REDIC1: variants seen among roughly 807,000 people sequenced by gnomAD.
REDIC1 encodes HEI10 Interacting Protein 1.
chr12:39,844,921 A>C, the REDIC1 span, among the ~76,000 whole-genome samples: 1 of 152,082 alleles, frequency 6.6e-6, no homozygotes, highest in East Asian at 1.9e-4. Flanking sequence ...TTTTAGATCA[A>C]TTGAATTTAA....
chr12:39,750,022 C>G, the REDIC1 span, among the ~76,000 whole-genome samples: 1 of 152,154 alleles, frequency 6.6e-6, no homozygotes, highest in Non-Finnish European at 1.5e-5. Flanking sequence ...CAGGGATGCC[C>G]TCTCTCACCA....
the REDIC1 span, chr12:39,683,226 A>G: frequency 0.85 from 1,107,283 of 1,308,952 alleles, 471,790 homozygotes; most frequent in Non-Finnish European, 0.87. Flanking sequence ...ATACACACAC[A>G]TCTATATATT....
the REDIC1 span, among the ~76,000 whole-genome samples, chr12:39,671,064 G>A: frequency 3.9e-5 from 6 of 152,132 alleles, no homozygotes; most frequent in Admixed American, 3.3e-4. Flanking sequence ...TCTGTTGTTG[G>A]AGAATTAATG....
At chr12:39,649,892 A>G in the REDIC1 span, among the ~76,000 whole-genome samples, 1 of 151,958 alleles carries the variant, frequency 6.6e-6, no homozygotes, top group Admixed American at 6.6e-5. Context: ...ATTGGGACAA[A>G]TTATTGTTTT....
At chr12:39,838,627 AAG>A in the REDIC1 span, among the ~76,000 whole-genome samples, 3 of 152,078 alleles carry the variant, frequency 2.0e-5, no homozygotes, top group African/African-American at 7.2e-5. Flanking sequence ...TAAAGTAAAA[AAG>A]AGCAGGACAA....
the REDIC1 span, among the ~76,000 whole-genome samples, chr12:39,707,680 CTAA>C: frequency 3.4e-4 from 51 of 151,960 alleles, no homozygotes; most frequent in South Asian, 1.0e-3. Context: ...TATACATAAT[CTAA>C]TAATGATAAT....
the REDIC1 span, among the ~76,000 whole-genome samples, chr12:39,673,385 T>G: frequency 6.6e-6 from 1 of 152,200 alleles, no homozygotes; most frequent in African/African-American, 2.4e-5. Context: ...AATTCATTCT[T>G]CAGGAAATTC....
chr12:39,764,326 C>G, the REDIC1 span: 1 of 768,382 alleles, frequency 1.3e-6, no homozygotes, highest in Non-Finnish European at 1.9e-6. Flanking sequence ...CTTTGGAGGA[C>G]AAGAAAGCCA....
chr12:39,679,137 G>T, the REDIC1 span, among the ~76,000 whole-genome samples: 1 of 152,194 alleles, frequency 6.6e-6, no homozygotes, highest in South Asian at 2.1e-4. Context: ...ATTGTACGTA[G>T]TACTGGAAGT....
At chr12:39,674,778 T>C in the REDIC1 span, among the ~76,000 whole-genome samples, 6 of 152,208 alleles carry the variant, frequency 3.9e-5, no homozygotes, top group Non-Finnish European at 7.3e-5. Context: ...ATCCCTGGCC[T>C]TCTCTCACAG....
chr12:39,748,149 A>G, the REDIC1 span, among the ~76,000 whole-genome samples: 1 of 152,134 alleles, frequency 6.6e-6, no homozygotes, highest in Non-Finnish European at 1.5e-5. Context: ...AAGAGTCAAG[A>G]CCCATCAGTG....
the REDIC1 span, among the ~76,000 whole-genome samples, chr12:39,889,970 C>T: frequency 2.0e-5 from 3 of 152,016 alleles, no homozygotes; most frequent in African/African-American, 7.2e-5. Flanking sequence ...AATCTCTGGC[C>T]AATAATATTT....
the REDIC1 span, among the ~76,000 whole-genome samples, chr12:39,874,467 T>G: frequency 2.0e-5 from 3 of 151,746 alleles, no homozygotes; most frequent in East Asian, 5.8e-4. Flanking sequence ...TACAAAAAAT[T>G]AGCTGGGCAT....
the REDIC1 span, chr12:39,650,466 A>C: frequency 1.5e-6 from 2 of 1,358,482 alleles, no homozygotes; most frequent in South Asian, 1.7e-5. This position sits in a 1 kb window ranked among gnomAD's most constrained non-coding sequence, Gnocchi z 4.3. Context: ...AACAGTCCTA[A>C]GTAATACTTC....
the REDIC1 span, among the ~76,000 whole-genome samples, chr12:39,814,993 T>C: frequency 6.6e-6 from 1 of 152,210 alleles, no homozygotes; most frequent in African/African-American, 2.4e-5. Context: ...TTTTTTCATT[T>C]GACTTTCTCA....
At chr12:39,752,047 A>AT in the REDIC1 span, among the ~76,000 whole-genome samples, 1 of 152,202 alleles carries the variant, frequency 6.6e-6, no homozygotes, top group East Asian at 1.9e-4. Context: ...AACTTAAAGT[A>AT]TAAAAAAAAG....
chr12:39,750,168 C>T, the REDIC1 span, among the ~76,000 whole-genome samples: 7 of 152,100 alleles, frequency 4.6e-5, no homozygotes, highest in African/African-American at 1.7e-4. Flanking sequence ...TTTAGAAAAA[C>T]CCATTGTCTC....
At chr12:39,799,253 CCTTTTTTT>C in the REDIC1 span, among the ~76,000 whole-genome samples, 2 of 75,356 alleles carry the variant, frequency 2.7e-5, no homozygotes, top group Non-Finnish European at 4.7e-5. Context: ...CTATGCTTAG[CCTTTTTTT>C]TTTTTTTTTT....
At chr12:39,699,406 G>A in the REDIC1 span, among the ~76,000 whole-genome samples, 16 of 152,188 alleles carry the variant, frequency 1.1e-4, no homozygotes, top group African/African-American at 3.6e-4. Flanking sequence ...CTTAAAAAAT[G>A]GCACACCAGG....
Sources: allele counts gnomAD v4.1 joint callset (sites outside exome capture counted in the v4.1 genomes callset), GRCh38; gene constraint gnomAD v4.1.1; non-coding constraint Gnocchi (gnomAD v3.1); transcripts MANE v1.5; gene names NCBI Gene and HGNC (gene_info 2026-07-23, HGNC 2026-07-21).